The following ACSM2B variants were observed in gnomAD, a reference collection of about 807,000 sequenced individuals.
ACSM2B encodes acyl-coenzyme A synthetase ACSM2B, mitochondrial.
In ACSM2B, 58 loss-of-function variants were observed where a neutral mutation model predicts 78.6. That is an observed-to-expected ratio of 0.74 (90% CI 0.60 to 0.92). The LOEUF (loss-of-function observed/expected upper bound fraction) is 0.92. Ranked by LOEUF, ACSM2B falls within the 40% of genes least tolerant of loss-of-function variation. ACSM2B has a pLI of 0.00. For missense variants in ACSM2B, 688 were observed against 711.2 expected, an observed-to-expected ratio of 0.97 and a Z score of 0.37; for synonymous variants, 257 against 256.8, an observed-to-expected ratio of 1.00 and a Z score of -0.01.
At chr16:20,545,790 G>A (rs183460040) in intron 9 of ACSM2B, among the ~76,000 whole-genome samples, 145 of 152,244 alleles carry the variant, frequency 9.5e-4, no homozygotes, top group African/African-American at 3.2e-3. Flanking sequence ...ACTGAATAGC[G>A]TCTAAGTTAC....
intron 5 of ACSM2B, among the ~76,000 whole-genome samples, chr16:20,553,452 A>C (rs2015377683): frequency 1.3e-5 from 2 of 152,194 alleles, no homozygotes; most frequent in South Asian, 2.1e-4. Flanking sequence ...GGGCGGTATC[A>C]AAGCAAATTG....
At chr16:20,568,195 A>G (rs1214960244) in intron 1 of ACSM2B, among the ~76,000 whole-genome samples, 1 of 143,924 alleles carries the variant, frequency 6.9e-6, no homozygotes, top group Non-Finnish European at 1.5e-5. Flanking sequence ...TATATATTAT[A>G]TAAAATATAA....
chr16:20,555,244 C>A, intron 4 of ACSM2B, 25 bp downstream of exon 4: 1 of 1,613,608 alleles, frequency 6.2e-7, no homozygotes, highest in Non-Finnish European at 8.5e-7. Flanking sequence ...AGTTAAAACC[C>A]AGGATGAGAC....
At chr16:20,549,821 G>C (rs1416161872) in intron 6 of ACSM2B, 1 of 449,196 alleles carries the variant, frequency 2.2e-6, no homozygotes, top group South Asian at 1.6e-5. Flanking sequence ...GGGGCTTCCA[G>C]CTTATAGGTA....
rs1233917237 is a variant in ACSM2B, at chr16:20,553,855, G to C, written c.662C>G (p.Thr221Ser). The change falls in exon 5 of 14, where the codon ACT becomes AGT. Residue 221 changes from threonine to serine, a missense_variant. Thr to Ser is a moderately conservative substitution (Grantham distance 58). Coordinates refer to ENST00000329697, the MANE Select transcript of ACSM2B (RefSeq NM_001105069.2). ...CTTGGGAAGACCACTGGTCCCACTA[G>C]TGAAGTAGATGGCAGATGCTTCCTG... ...GSQEASAIYF[T>S]SGTSGLPKMA... is the part of the protein sequence containing the mutation. 5 of 1,613,850 alleles carry C rather than the reference G, an allele frequency of 3.1e-6. No individual in the cohort carries two copies. The highest frequency in any genetic ancestry group is 1.7e-6 in the Non-Finnish European group (2 of 1,179,892).
chr16:20,566,707 T>C lies in ACSM2B; in HGVS notation c.-8-1854A>G, dbSNP rs374395330. On this transcript the variant is annotated intron_variant, in intron 1 of 13. Transcript: ENST00000329697. ...GTATATACTATATATAGTATATATA[T>C]AGTATATATAGTATATACTATATAT... 0.021 allele frequency among the ~76,000 whole-genome samples: 622 copies of C among 29,558 alleles called. 30 individuals carry two copies. The East Asian group carries it at 0.28, about 13-fold the overall frequency. 19.4% of individuals were successfully genotyped at this position (29,558 alleles called of 152,430 possible).
intron 4 of ACSM2B, among the ~76,000 whole-genome samples, chr16:20,554,922 C>G (rs1048558755): frequency 6.6e-6 from 1 of 152,220 alleles, no homozygotes; most frequent in African/African-American, 2.4e-5. Context: ...CCACTCTTCA[C>G]GCATGAGTGC....
intron 1 of ACSM2B, among the ~76,000 whole-genome samples, chr16:20,567,582 T>G (rs1171614473): frequency 7.5e-6 from 1 of 133,276 alleles, no homozygotes; most frequent in Non-Finnish European, 1.6e-5. Context: ...TAAAAATATA[T>G]AAATAATAAT....
At chr16:20,557,803 C>A (rs11640137) in intron 3 of ACSM2B, among the ~76,000 whole-genome samples, 1 of 151,326 alleles carries the variant, frequency 6.6e-6, no homozygotes, top group Non-Finnish European at 1.5e-5. Flanking sequence ...GCTTCCCTCC[C>A]CTGTGGCTTT....
intron 4 of ACSM2B, among the ~76,000 whole-genome samples, chr16:20,554,799 G>C (rs2015418423): frequency 6.6e-6 from 1 of 152,184 alleles, no homozygotes; most frequent in Non-Finnish European, 1.5e-5. Flanking sequence ...AAATTGTTCT[G>C]GGTGGGTTTC....
At chr16:20,570,782 C>A (rs2016069978) in intron 1 of ACSM2B, among the ~76,000 whole-genome samples, 1 of 151,798 alleles carries the variant, frequency 6.6e-6, no homozygotes, top group Admixed American at 6.6e-5. Flanking sequence ...CTTTCTAATT[C>A]TTCCTGATTT....
intron 1 of ACSM2B, among the ~76,000 whole-genome samples, chr16:20,566,531 T>C (rs1474157998): frequency 3.7e-5 from 4 of 108,808 alleles, no homozygotes; most frequent in South Asian, 2.6e-4. Context: ...AAATATGTTA[T>C]ATATACTATA....
rs1323579338 is a variant in ACSM2B at position 20,540,648 on chromosome 16, C to A, written c.1629+6G>T. 3.7e-6 allele frequency: 6 copies of A among 1,613,558 alleles called. No individual in the cohort carries two copies. In the African/African-American group the frequency reaches 5.3e-5, roughly 14 times the overall value. ...TTTGAGTGACTTGGGAGCTCAAAGG[C>A]CTTACCTTTCTTGGGTACTTGTATG... On this transcript the variant is annotated splice_donor_region_variant and intron_variant, in intron 13 of 13. Transcript: ENST00000329697.
intron 6 of ACSM2B, among the ~76,000 whole-genome samples, chr16:20,550,579 A>G (rs927617199): frequency 1.3e-5 from 2 of 152,204 alleles, no homozygotes; most frequent in Non-Finnish European, 2.9e-5. Context: ...AGAGAATGAC[A>G]GTATTATTTG....
In ACSM2B at chr16:20,537,280, G is replaced by A. The variant is rs767639030; in HGVS notation, c.1712C>T (p.Ser571Phe). ...TKLRDKEWKM[S>F]GKARAQ is the part of the protein sequence containing the mutation. Reference sequence around the variant, plus strand: ...GCCTCACTGCGCACGGGCTTTTCCGGACATCTTCCACTCCTTGTCTCGAAG... The same window carrying A: ...GCCTCACTGCGCACGGGCTTTTCCGAACATCTTCCACTCCTTGTCTCGAAG... The change falls in exon 14 of 14, where the codon TCC becomes TTC. Residue 571 changes from serine (S) to phenylalanine (F), a missense_variant. By Grantham distance (155) the Ser-to-Phe change is radical. Coordinates refer to ENST00000329697, the MANE Select transcript of ACSM2B (RefSeq NM_001105069.2). The A allele has an allele frequency of 6.2e-7, 1 of 1,614,044 alleles. No individual in the cohort carries two copies. Among genetic ancestry groups the A allele is most frequent in the South Asian group, 1.1e-5 (1 of 91,072 alleles).
intron 3 of ACSM2B, among the ~76,000 whole-genome samples, chr16:20,555,791 A>T (rs1399025792): frequency 3.3e-5 from 5 of 152,168 alleles, no homozygotes; most frequent in Non-Finnish European, 5.9e-5. Context: ...AATTTTCTAC[A>T]GGAGTTCGCT....
At chr16:20,558,752 ACT>A (rs1342510999) in intron 3 of ACSM2B, among the ~76,000 whole-genome samples, 2 of 152,148 alleles carry the variant, frequency 1.3e-5, no homozygotes, top group East Asian at 3.9e-4. Flanking sequence ...TGGATAAGAC[ACT>A]CTCTCGTTCC....
intron 6 of ACSM2B, among the ~76,000 whole-genome samples, chr16:20,550,672 G>C (rs1255789054): frequency 2.0e-5 from 3 of 152,096 alleles, no homozygotes; most frequent in Admixed American, 6.6e-5. Flanking sequence ...TTGAACCTTT[G>C]CTGCAGCCAA....
Position 20,540,676 on chromosome 16 carries a change from G to T in ACSM2B, c.1607C>A (p.Ala536Asp). 1.9e-6 allele frequency: 3 copies of T among 1,614,054 alleles called. No homozygotes were observed. The highest frequency in any genetic ancestry group is 2.5e-6 in the Non-Finnish European group (3 of 1,179,966). ...ELQQHVKSVTAPYKYPRKIEF... is the reference protein window; with the variant it reads ...ELQQHVKSVTDPYKYPRKIEF... The stretch of plus-strand genomic sequence containing the variant: ...TACCTTTCTTGGGTACTTGTATGGG[G>T]CTGTCACTGACTTCACATGCTGCTG... The change falls in exon 13 of 14, where the codon GCC (alanine) becomes GAC (aspartate). Residue 536 changes from alanine (A) to aspartate (D), a missense_variant. By Grantham distance (126) the Ala-to-Asp change is moderately radical. Coordinates refer to ENST00000329697, the MANE Select transcript of ACSM2B (RefSeq NM_001105069.2).
Sources: gnomAD v4.1 joint callset for allele counts (sites outside exome capture counted in the v4.1 genomes callset) on GRCh38, gnomAD v4.1.1 for gene constraint, MANE v1.5 for transcripts, NCBI Gene and HGNC (gene_info 2026-07-23, HGNC 2026-07-21) for gene names.